The following DMD variants were observed in gnomAD, a reference collection of about 807,000 sequenced individuals.
DMD encodes dystrophin.
A neutral mutation model predicts 330.1 loss-of-function variants in DMD; 63 were observed. The observed-to-expected ratio is 0.19, with a 90% CI of 0.16 to 0.24. The LOEUF (loss-of-function observed/expected upper bound fraction) is 0.24, where lower values mean the gene tolerates loss of function less well. Among genes scored for constraint, DMD ranks in the 10% least tolerant of loss-of-function variants. The pLI is 1.00. For synonymous variants in DMD, 1,223 were observed against 959.8 expected, an observed-to-expected ratio of 1.27 and a Z score of -5.07; for missense variants, 3,344 against 2,684.1, an observed-to-expected ratio of 1.25 and a Z score of -5.43.
intron 11 of DMD, among the ~76,000 whole-genome samples, chrX:32,617,031 G>A (rs183315775): frequency 9.1e-6 from 1 of 109,727 alleles, no homozygotes; most frequent in African/African-American, 3.3e-5. Context: ...TGAGATGACC[G>A]CTGTTCATGT....
chrX:31,881,513 C>G (rs1454095115), intron 47 of DMD, among the ~76,000 whole-genome samples: 1 of 112,093 alleles, frequency 8.9e-6, no homozygotes, highest in East Asian at 2.8e-4. Context: ...CATTTGCTCA[C>G]CACTACCACT....
chrX:32,682,788 T>C (rs144976988), intron 9 of DMD, among the ~76,000 whole-genome samples: 2 of 112,030 alleles, frequency 1.8e-5, no homozygotes, highest in East Asian at 2.8e-4. Context: ...GGTGAGACCA[T>C]GTAACTAGTT....
chrX:32,972,282 A>T (rs965457761), intron 2 of DMD, among the ~76,000 whole-genome samples: 2 of 110,513 alleles, frequency 1.8e-5, no homozygotes, highest in African/African-American at 6.6e-5. Context: ...GGCTCAAGAG[A>T]TCCTCCTACC....
intron 60 of DMD, among the ~76,000 whole-genome samples, chrX:31,401,450 C>T (rs1218013487): frequency 1.8e-5 from 2 of 112,290 alleles, no homozygotes; most frequent in Non-Finnish European, 3.8e-5. Context: ...TTATCTGCAA[C>T]AATGAGTAGA....
intron 9 of DMD, among the ~76,000 whole-genome samples, chrX:32,666,394 T>C (rs1265444597): frequency 9.1e-6 from 1 of 110,392 alleles, no homozygotes; most frequent in Non-Finnish European, 1.9e-5. Flanking sequence ...TGTGTGATGT[T>C]CCCCTCCCTG....
chrX:32,312,942 CAAAAA>C lies in DMD; in HGVS notation c.5923-2671_5923-2667del, dbSNP rs767993498. On this transcript the variant is annotated intron_variant, in intron 41 of 78. Transcript: ENST00000357033. ...ATTGAGGCAGTAATAGCCTACGAAC[CAAAAA>C]AAAAAAAAAAAAAAAAAGCCCAGGA... Among the ~76,000 whole-genome samples the C allele has an allele frequency of 2.9e-4, 6 of 20,404 alleles. No individual in the cohort carries two copies. The Admixed American group carries it at 3.1e-3, about 11-fold the overall frequency. 17.7% of individuals were successfully genotyped at this position (20,404 alleles called of 115,157 possible).
chrX:32,319,500 T>C (rs2097599793), intron 41 of DMD, among the ~76,000 whole-genome samples: 1 of 111,953 alleles, frequency 8.9e-6, no homozygotes, highest in South Asian at 3.6e-4. Context: ...GGGATTTACA[T>C]TTATAATTTA....
At chrX:32,064,235 T>C (rs1207970528) in intron 44 of DMD, among the ~76,000 whole-genome samples, 1 of 111,493 alleles carries the variant, frequency 9.0e-6, no homozygotes, top group African/African-American at 3.2e-5. Flanking sequence ...ATAAACACTA[T>C]GGAGAAATTA....
At chrX:32,191,336 C>T (rs2096974500) in intron 44 of DMD, among the ~76,000 whole-genome samples, 1 of 112,028 alleles carries the variant, frequency 8.9e-6, no homozygotes, top group African/African-American at 3.2e-5. Context: ...TCTTTCATTA[C>T]CTAGATGACA....
intron 60 of DMD, among the ~76,000 whole-genome samples, chrX:31,389,339 T>C (rs2060594644): frequency 8.9e-6 from 1 of 112,447 alleles, no homozygotes; most frequent in Non-Finnish European, 1.9e-5. Context: ...AAAGCACTTG[T>C]ACCATTATTT....
intron 44 of DMD, among the ~76,000 whole-genome samples, chrX:31,989,977 G>A (rs777887038): frequency 1.4e-4 from 16 of 110,611 alleles, no homozygotes; most frequent in Non-Finnish European, 2.5e-4. Context: ...TCCTCCTTTC[G>A]GAGTGCCTAA....
Position 31,864,485 on chromosome X carries a change from C to CTTTT in DMD, c.7098+10699_7098+10702dup, listed in dbSNP as rs201374257. ...GCTGCTGTAGGGGTATTTTGAAGGC[C>CTTTT]TTTTTTTTTTTTTTTTTTTTTTTTA... On this transcript the variant is annotated intron_variant, in intron 48 of 78. Transcript: ENST00000357033. Among the ~76,000 whole-genome samples, 471 of 54,275 alleles carry CTTTT rather than the reference C, an allele frequency of 8.7e-3. 16 individuals are homozygous for CTTTT. The highest frequency in any genetic ancestry group is 0.026 in the African/African-American group (272 of 10,375). 47.1% of individuals were successfully genotyped at this position (54,275 alleles called of 115,157 possible). A position where few individuals can be genotyped will look rare whatever the true frequency, so the allele number is the denominator to read the frequency against.
At chrX:33,143,741 T>C (rs73621877) in intron 1 of DMD, among the ~76,000 whole-genome samples, 2,110 of 111,794 alleles carry the variant, frequency 0.019, 47 homozygotes, top group African/African-American at 0.065. Context: ...TCTTTGAAAA[T>C]TAACCGAATG....
upstream of DMD, among the ~76,000 whole-genome samples, chrX:33,214,441 A>G (rs1186418943): frequency 9.0e-6 from 1 of 111,712 alleles, no homozygotes; most frequent in African/African-American, 3.3e-5. Flanking sequence ...TGATTCCTCC[A>G]ATTCATTAAC....
At chrX:32,235,953 T>G (rs2097186193) in intron 43 of DMD, among the ~76,000 whole-genome samples, 1 of 111,854 alleles carries the variant, frequency 8.9e-6, no homozygotes, top group South Asian at 3.7e-4. Flanking sequence ...ACATAACAGC[T>G]ATCAGGATGA....
chrX:32,803,880 C>T (rs959245551), intron 7 of DMD, among the ~76,000 whole-genome samples: 3 of 111,766 alleles, frequency 2.7e-5, no homozygotes, highest in Non-Finnish European at 5.6e-5. Context: ...CCAATTATGT[C>T]GTCAATTTTA....
At chrX:31,592,277 T>G (rs2076910132) in intron 55 of DMD, among the ~76,000 whole-genome samples, 2 of 107,539 alleles carry the variant, frequency 1.9e-5, no homozygotes, top group African/African-American at 6.7e-5. Flanking sequence ...TATGTCTAGT[T>G]AAAACATACA....
chrX:32,025,800 A>G (rs945327009), intron 44 of DMD, among the ~76,000 whole-genome samples: 2 of 111,913 alleles, frequency 1.8e-5, no homozygotes, highest in Non-Finnish European at 3.8e-5. Flanking sequence ...TTGAGAAGTC[A>G]AGAAGTCTCC....
At chrX:31,622,877 TAC>T (rs1169355719) in intron 55 of DMD, among the ~76,000 whole-genome samples, 1,556 of 70,188 alleles carry the variant, frequency 0.022, 43 homozygotes, top group African/African-American at 0.07. Flanking sequence ...TATATATATA[TAC>T]ACACACACAC....
Sources: allele counts gnomAD v4.1 joint callset (sites outside exome capture counted in the v4.1 genomes callset), GRCh38; gene constraint gnomAD v4.1.1; transcripts MANE v1.5; gene names NCBI Gene and HGNC (gene_info 2026-07-23, HGNC 2026-07-21).